The following ZWILCH variants were observed in gnomAD, a reference collection of about 807,000 sequenced individuals.
ZWILCH encodes protein zwilch homolog.
Under a neutral mutation model 79.9 loss-of-function variants are expected in ZWILCH, and 74 were observed. The ratio of observed to expected loss-of-function variants is 0.93; its 90% CI spans 0.77 to 1.12. ZWILCH has a LOEUF of 1.12. Ranked by LOEUF, ZWILCH falls within the 50% of genes most tolerant of loss-of-function variation. The pLI, the probability that ZWILCH is intolerant of heterozygous loss-of-function variation, is 0.00. For synonymous variants in ZWILCH, 241 were observed against 228.2 expected, an observed-to-expected ratio of 1.06 and a Z score of -0.51; for missense variants, 694 against 687.5, an observed-to-expected ratio of 1.01 and a Z score of -0.11.
intron 7 of ZWILCH, chr15:66,523,363 C>T: frequency 4.3e-6 from 1 of 230,116 alleles, no homozygotes; most frequent in East Asian, 8.7e-5. Flanking sequence ...GTAAATTTCT[C>T]CTACCTTGTC....
chr15:66,512,148 A>G (rs1894090403), intron 2 of ZWILCH, among the ~76,000 whole-genome samples: 1 of 152,252 alleles, frequency 6.6e-6, no homozygotes, highest in African/African-American at 2.4e-5. Flanking sequence ...CTGTGGTACT[A>G]GACTGCCAAA....
chr15:66,519,067 T>TC lies in ZWILCH; in HGVS notation c.510dup (p.Ser171GlnfsTer3). 6.2e-7 allele frequency: 1 copy of TC among 1,614,170 alleles called. No homozygotes were observed. The highest frequency in any genetic ancestry group is 8.5e-7 in the Non-Finnish European group (1 of 1,179,990). Reference sequence around the variant, plus strand: ...ATTACAGGAATTGTCTTATATGTGGTCAGTTGTAAAGGTGAGTGCTCTCTC... The same window carrying TC: ...ATTACAGGAATTGTCTTATATGTGGTCCAGTTGTAAAGGTGAGTGCTCTCTC... On this transcript the variant is annotated frameshift_variant, in exon 5 of 19. Transcript: ENST00000307897. LOFTEE classifies it high-confidence loss of function.
At chr15:66,546,891 G>C (rs987660948) in intron 18 of ZWILCH, 186 bp downstream of exon 18, 2 of 251,920 alleles carry the variant, frequency 7.9e-6, no homozygotes, top group Non-Finnish European at 1.5e-5. Context: ...ACCTTTTGTG[G>C]TCAACTTTTA....
intron 17 of ZWILCH, among the ~76,000 whole-genome samples, chr15:66,543,205 T>A (rs981006120): frequency 6.3e-4 from 95 of 151,938 alleles, no homozygotes; most frequent in Non-Finnish European, 1.2e-3. Context: ...TCTCAAAAAA[T>A]AAATAAATAA....
At chr15:66,515,426 C>T in intron 3 of ZWILCH, 100 bp from the exon 4 acceptor site, 1 of 760,424 alleles carries the variant, frequency 1.3e-6, no homozygotes, top group Non-Finnish European at 2.2e-6. Flanking sequence ...AAAATAAGTA[C>T]ATTATGTTCT....
chr15:66,513,567 ACT>A (rs200521332), intron 2 of ZWILCH, among the ~76,000 whole-genome samples: 1,926 of 149,048 alleles, frequency 0.013, 35 homozygotes, highest in African/African-American at 0.045. Context: ...ACATAGTGAG[ACT>A]CTGTCTCTTT....
Position 66,527,313 on chromosome 15 carries a change from T to G in ZWILCH, c.843T>G (p.Thr281=), listed in dbSNP as rs1407054657. The stretch of plus-strand genomic sequence containing the variant: ...AGGTTTTGGCTGATGGTTTGAGGAC[T>G]GGTGTCACTGAATGGCTCGAGCCCC... ...FLLVLADGLR[T]GVTEWLEPLE... The change falls in exon 9 of 19, where the codon ACT becomes ACG. Residue 281 remains threonine, a synonymous_variant. Coordinates refer to ENST00000307897, the MANE Select transcript of ZWILCH (RefSeq NM_017975.5). 1 of 1,614,126 alleles carries G rather than the reference T, an allele frequency of 6.2e-7. No homozygotes were observed. The highest frequency in any genetic ancestry group is 2.2e-5 in the East Asian group (1 of 44,864).
At position 66,542,210 on chromosome 15, in the gene ZWILCH, G is replaced by A. The variant is rs1257829654; in HGVS notation, c.1687+2000G>A. Among the ~76,000 whole-genome samples the A allele has an allele frequency of 5.3e-5, 8 of 152,134 alleles. No individual in the cohort carries two copies. In the East Asian group the frequency reaches 1.5e-3, roughly 29 times the overall value. ...TCACACCTGTAATCCCAGCACTTTGGGAGGCCGAGGTGGGCGGATCACAAG... is the reference window on the plus strand; with the variant it reads ...TCACACCTGTAATCCCAGCACTTTGAGAGGCCGAGGTGGGCGGATCACAAG... On this transcript the variant is annotated intron_variant, in intron 17 of 18. Transcript: ENST00000307897.
At position 66,505,410 on chromosome 15, in the gene ZWILCH, T is replaced by A; in HGVS notation, c.53+19T>A. 1 of 1,613,774 alleles carries A rather than the reference T, an allele frequency of 6.2e-7. No individual in the cohort carries two copies. Among genetic ancestry groups the A allele is most frequent in the South Asian group, 1.1e-5 (1 of 91,004 alleles). ...TCCTTCAGTGAGTCTAGTCTCTTCT[T>A]TTGGCTGGGGTCCTGGGACAGCACT... On this transcript the variant is annotated intron_variant, in intron 1 of 18. Coordinates refer to ENST00000307897, the MANE Select transcript of ZWILCH (RefSeq NM_017975.5).
intron 8 of ZWILCH, 116 bp downstream of exon 8, chr15:66,523,864 A>G: frequency 1.5e-6 from 1 of 679,140 alleles, no homozygotes; most frequent in Non-Finnish European, 2.4e-6. Flanking sequence ...TTATGTATCC[A>G]TTAGAAGCTC....
Position 66,540,163 on chromosome 15 carries a change from A to C in ZWILCH, c.1640A>C (p.Gln547Pro). Reference sequence around the variant, plus strand: ...CAAAAGAAGATTAAGACAGTTTGGCAACTGAGTGACAGCTCACCCATAGAC... The same window carrying C: ...CAAAAGAAGATTAAGACAGTTTGGCCACTGAGTGACAGCTCACCCATAGAC... ...SGQKKIKTVW[Q>P]LSDSSPIDHL... Residue 547 changes from glutamine to proline, a missense_variant, in exon 17 of 19, where the codon CAA becomes CCA. Transcript: ENST00000307897. 1 of 1,613,830 alleles carries C rather than the reference A, an allele frequency of 6.2e-7. No individual in the cohort carries two copies. The highest frequency in any genetic ancestry group is 1.3e-5 in the African/African-American group (1 of 75,048).
chr15:66,510,056 T>C (rs908903716), intron 2 of ZWILCH, among the ~76,000 whole-genome samples: 2 of 150,142 alleles, frequency 1.3e-5, no homozygotes, highest in Non-Finnish European at 3.0e-5. Flanking sequence ...CGTGTGCCTG[T>C]AGTCCCAGCT....
rs778088311 is a variant in ZWILCH, at chr15:66,548,456, T to A, written c.*132T>A. The A allele has an allele frequency of 1.1e-5, 13 of 1,183,752 alleles. No individual in the cohort carries two copies. Among genetic ancestry groups the A allele is most frequent in the Non-Finnish European group, 1.6e-5 (13 of 801,504 alleles). 73.3% of individuals were successfully genotyped at this position (1,183,752 alleles called of 1,614,324 possible). ...GAAAAGGGAGGAAGATCCTGAAGAT[T>A]CTCTTATGAAGCTCCAAAATTGATA... On this transcript the variant is annotated 3_prime_UTR_variant, in exon 19 of 19. Coordinates refer to ENST00000307897, the MANE Select transcript of ZWILCH (RefSeq NM_017975.5).
At chr15:66,537,739 T>C (rs1172851228) in intron 16 of ZWILCH, among the ~76,000 whole-genome samples, 1 of 152,012 alleles carries the variant, frequency 6.6e-6, no homozygotes, top group Non-Finnish European at 1.5e-5. Context: ...TAATTTATTA[T>C]CTTAAGTCCA....
Position 66,518,928 on chromosome 15 carries a change from T to G in ZWILCH, c.370T>G (p.Leu124Val), listed in dbSNP as rs779840465. 6.2e-7 allele frequency: 1 copy of G among 1,614,246 alleles called. No individual in the cohort carries two copies. The highest frequency in any genetic ancestry group is 1.1e-5 in the South Asian group (1 of 91,090). The change falls in exon 5 of 19, where the codon TTG (leucine) becomes GTG (valine). Residue 124 changes from leucine (L) to valine (V), a missense_variant. Leu to Val is a conservative substitution (Grantham distance 32). Transcript: ENST00000307897. ...TMAHNPNMTH[L>V]KINLPVTALP... ...GGCTCACAATCCTAATATGACCCAT[T>G]TGAAGATTAATCTGCCAGTTACTGC...
rs891080734 is a variant in ZWILCH, at chr15:66,531,850, C to T, written c.1156-397C>T. On this transcript the variant is annotated intron_variant, in intron 12 of 18. Coordinates refer to ENST00000307897, the MANE Select transcript of ZWILCH (RefSeq NM_017975.5). ...TTGGGAGTCCGACGCGGGCGGATCA[C>T]GAGATCAGGACTTTGAGAGCAGCCT... Among the ~76,000 whole-genome samples the T allele has an allele frequency of 5.3e-5, 8 of 152,130 alleles. No individual in the cohort carries two copies. In the East Asian group the frequency reaches 7.8e-4, roughly 15 times the overall value.
In ZWILCH at chr15:66,527,845, G is replaced by T. The variant is rs775265341; in HGVS notation, c.914-12G>T. The T allele has an allele frequency of 1.3e-6, 2 of 1,594,462 alleles. No homozygotes were observed. The highest frequency in any genetic ancestry group is 1.7e-6 in the Non-Finnish European group (2 of 1,174,892). On this transcript the variant is annotated splice_polypyrimidine_tract_variant and intron_variant, in intron 9 of 18. Coordinates refer to ENST00000307897, the MANE Select transcript of ZWILCH (RefSeq NM_017975.5). ...AAAAATCAAGAGCTAATAAACTTTTGCCACTTTCTAGACTTAAATAAGCTG... is the reference window on the plus strand; with the variant it reads ...AAAAATCAAGAGCTAATAAACTTTTTCCACTTTCTAGACTTAAATAAGCTG...
chr15:66,508,490 A>C (rs1893908821), intron 1 of ZWILCH, among the ~76,000 whole-genome samples: 1 of 152,236 alleles, frequency 6.6e-6, no homozygotes, highest in African/African-American at 2.4e-5. Flanking sequence ...TTGAAAGGTC[A>C]TGTGGCAAGT....
chr15:66,525,365 G>A (rs1894635595), intron 8 of ZWILCH, among the ~76,000 whole-genome samples: 1 of 152,156 alleles, frequency 6.6e-6, no homozygotes, highest in Non-Finnish European at 1.5e-5. Flanking sequence ...CCCTTAAAAA[G>A]TCACAGAATC....
Sources: gnomAD v4.1 joint callset for allele counts (sites outside exome capture counted in the v4.1 genomes callset) on GRCh38, gnomAD v4.1.1 for gene constraint, MANE v1.5 for transcripts, NCBI Gene and HGNC (gene_info 2026-07-23, HGNC 2026-07-21) for gene names.